Variants in ZNF318 observed in about 807,000 individuals in gnomAD.
The protein encoded by ZNF318 is zinc finger protein 318.
In ZNF318, 51 loss-of-function variants were observed where a neutral mutation model predicts 124.2. The observed-to-expected ratio is 0.41, with a 90% CI of 0.33 to 0.52. The LOEUF is 0.52. Among genes scored for constraint, ZNF318 ranks in the 20% least tolerant of loss-of-function variants. The pLI, the probability that ZNF318 is intolerant of heterozygous loss-of-function variation, is 0.23. For missense variants in ZNF318, 2,815 were observed against 2,811.2 expected, an observed-to-expected ratio of 1.00 and a Z score of -0.03; for synonymous variants, 1,090 against 1,040.7, an observed-to-expected ratio of 1.05 and a Z score of -0.91.
rs576376954 is a variant in ZNF318 at position 43,363,775 on chromosome 6, T to C, written c.548+1517A>G. 153 of 675,692 alleles carry C rather than the reference T, an allele frequency of 2.3e-4. No individual in the cohort carries two copies. In the East Asian group the frequency reaches 3.1e-3, roughly 14 times the overall value. The allele number at this position is 675,692 out of a possible 1,614,324, so 41.9% of individuals were successfully genotyped here. On this transcript the variant is annotated intron_variant, in intron 2 of 9. Transcript: ENST00000361428. Reference sequence around the variant, plus strand: ...GCAGAAGCAGACCCACACTGGCCAGTTGAAAAGGTTCAAGGCGTTTGTTGC... The same window carrying C: ...GCAGAAGCAGACCCACACTGGCCAGCTGAAAAGGTTCAAGGCGTTTGTTGC...
chr6:43,358,712 G>A (rs1293654105), intron 2 of ZNF318, among the ~76,000 whole-genome samples: 1 of 151,900 alleles, frequency 6.6e-6, no homozygotes, highest in East Asian at 1.9e-4. Flanking sequence ...GCACCACCAT[G>A]CTGGCTGACT....
At position 43,357,234 on chromosome 6, in the gene ZNF318, T is replaced by C; in HGVS notation, c.1080A>G (p.Ala360=). 6.2e-7 allele frequency: 1 copy of C among 1,614,206 alleles called. No individual in the cohort carries two copies. The highest frequency in any genetic ancestry group is 1.1e-5 in the South Asian group (1 of 91,078). Residue 360 remains alanine, a synonymous_variant, in exon 3 of 10, where the codon GCA becomes GCG. Transcript: ENST00000361428. Reference sequence around the variant, plus strand: ...GATGCAAAGAATATCCTGGCTCCGATGCTGTTAGGACACCTGACAATCCAG... The same window carrying C: ...GATGCAAAGAATATCCTGGCTCCGACGCTGTTAGGACACCTGACAATCCAG... ...SIPGLSGVLT[A]SEPGYSLHRP...
chr6:43,337,274 T>C lies in ZNF318; in HGVS notation c.6724A>G (p.Arg2242Gly). 1.2e-6 allele frequency: 2 copies of C among 1,614,194 alleles called. No homozygotes were observed. Among genetic ancestry groups the C allele is most frequent in the Non-Finnish European group, 1.7e-6 (2 of 1,180,016 alleles). The change falls in exon 10 of 10, where the codon AGG (arginine) becomes GGG (glycine). Residue 2242 changes from arginine (R) to glycine (G), a missense_variant. Around this residue, in one of 4 missense-constraint regions of ZNF318, gnomAD observed 927 missense variants for 820.6 expected, o/e 1.13. Transcript: ENST00000361428. ...ATTACCTGCTCCCTTGGAGGGGACC[T>C]TGACACTGGAGCTTTAACCAAATTC... ...PLNLVKAPVS[R>G]SPPREQVIED... is the part of the protein sequence containing the mutation.
At chr6:43,365,502 C>T in intron 1 of ZNF318, 62 bp from the exon 2 acceptor site, 2 of 1,544,278 alleles carry the variant, frequency 1.3e-6, no homozygotes, top group Non-Finnish European at 1.8e-6. Context: ...CATCCAAAAA[C>T]TCTCCTCCCT....
intron 2 of ZNF318, among the ~76,000 whole-genome samples, chr6:43,358,388 T>C (rs1018279208): frequency 1.3e-5 from 2 of 149,756 alleles, no homozygotes; most frequent in African/African-American, 2.4e-5. Flanking sequence ...ACTGGGCCTA[T>C]AGGCACCAGC....
At position 43,337,622 on chromosome 6, in the gene ZNF318, C is replaced by T. The variant is rs554022816; in HGVS notation, c.6376G>A (p.Ala2126Thr). 6.2e-7 allele frequency: 1 copy of T among 1,614,112 alleles called. No homozygotes were observed. The highest frequency in any genetic ancestry group is 1.7e-5 in the Admixed American group (1 of 60,014). The change falls in exon 10 of 10, where the codon GCC becomes ACC. Residue 2126 changes from alanine to threonine, a missense_variant. Ala to Thr is a moderately conservative substitution (Grantham distance 58, BLOSUM62 0). This residue lies in a region of ZNF318 where 927 missense variants were observed against 820.6 expected (regional missense o/e 1.13). Coordinates refer to ENST00000361428, the MANE Select transcript of ZNF318 (RefSeq NM_014345.3). ...GLGGLEGTHQ[A>T]LDLLAGGMMP... ...ATTCCTCCTGCTAACAGGTCAAGGG[C>T]CTGGTGTGTTCCCTCTAGGCCCCCC...
At position 43,369,488 on chromosome 6, in the gene ZNF318, G is replaced by C; in HGVS notation, c.-123C>G. 2 of 783,474 alleles carry C rather than the reference G, an allele frequency of 2.6e-6. No individual in the cohort carries two copies. The highest frequency in any genetic ancestry group is 3.2e-6 in the Non-Finnish European group (2 of 625,944). The allele number at this position is 783,474 out of a possible 1,614,324, so 48.5% of individuals were successfully genotyped here. On this transcript the variant is annotated 5_prime_UTR_variant, in exon 1 of 10. Transcript: ENST00000361428. The stretch of plus-strand genomic sequence containing the variant: ...GGCCGCTGCGCGCCGCCTCAGCCGC[G>C]GGAGCAGCCCCCTCCCCTCGGCCCC...
At chr6:43,340,759 G>A (rs780007331) in intron 9 of ZNF318, 31 bp downstream of exon 9, 3 of 1,580,450 alleles carry the variant, frequency 1.9e-6, no homozygotes, top group African/African-American at 2.7e-5. Flanking sequence ...CAGAAAAGTT[G>A]GAAACTCCAC....
chr6:43,365,415 T>C lies in ZNF318; in HGVS notation c.425A>G (p.Asp142Gly), dbSNP rs1779747015. ...GATCCTTAAGCTCTTTTCCAAAGAG[T>C]CAGAACACAGACCAGGAGAGCGTCT... ...SRRRSPGLCS[D>G]SLEKSLRITV... The change falls in exon 2 of 10, where the codon GAC (aspartate) becomes GGC (glycine). Residue 142 changes from aspartate to glycine, a missense_variant. By Grantham distance (94) the Asp-to-Gly change is moderately conservative (BLOSUM62 -1). Around this residue, in one of 4 missense-constraint regions of ZNF318, gnomAD observed 1,377 missense variants for 1,353.5 expected, o/e 1.02. Coordinates refer to ENST00000361428, the MANE Select transcript of ZNF318 (RefSeq NM_014345.3). The C allele has an allele frequency of 1.2e-6, 2 of 1,613,668 alleles. No individual in the cohort carries two copies. Among genetic ancestry groups the C allele is most frequent in the Non-Finnish European group, 1.7e-6 (2 of 1,179,938 alleles).
At chr6:43,354,143 T>C (rs888957189) in intron 4 of ZNF318, among the ~76,000 whole-genome samples, 2 of 152,072 alleles carry the variant, frequency 1.3e-5, no homozygotes, top group African/African-American at 2.4e-5. Flanking sequence ...ATAAATAACA[T>C]GTCAAAAATG....
In ZNF318 at chr6:43,340,905, G is replaced by C; in HGVS notation, c.3380C>G (p.Ser1127Cys). ...TCCACTGATGGGAACCAGAAACTCA[G>C]AGCCTGGAAGAAGTAGAAAAAAGTC... ...TDKITVPAKG[S>C]EFLVPISGFY... The change falls in exon 9 of 10, where the codon TCT (serine) becomes TGT (cysteine). Residue 1127 changes from serine (S) to cysteine (C), a missense_variant. Physicochemically the swap from Ser to Cys is moderately radical, Grantham distance 112. Around this residue, in one of 4 missense-constraint regions of ZNF318, gnomAD observed 500 missense variants for 605.2 expected, o/e 0.83. Coordinates refer to ENST00000361428, the MANE Select transcript of ZNF318 (RefSeq NM_014345.3). 1 of 1,611,422 alleles carries C rather than the reference G, an allele frequency of 6.2e-7. No homozygotes were observed. Among genetic ancestry groups the C allele is most frequent in the South Asian group, 1.1e-5 (1 of 91,046 alleles).
chr6:43,339,264 C>T lies in ZNF318; in HGVS notation c.4734G>A (p.Lys1578=). The change falls in exon 10 of 10, where the codon AAG becomes AAA. Residue 1578 remains lysine, a synonymous_variant. Coordinates refer to ENST00000361428, the MANE Select transcript of ZNF318 (RefSeq NM_014345.3). The surrounding 1 kb of genome is among the most constrained non-coding windows in gnomAD (Gnocchi z 4.2). The stretch of plus-strand genomic sequence containing the variant: ...GGGCCCCCTTAGTCTCAGGGGCCCC[C>T]TTTCCACCACTACTATAGAATATGT... ...LYDIFYSSGG[K]GAPETKGAPE... 1 of 1,613,840 alleles carries T rather than the reference C, an allele frequency of 6.2e-7. No homozygotes were observed. Among genetic ancestry groups the T allele is most frequent in the Non-Finnish European group, 8.5e-7 (1 of 1,179,896 alleles).
In ZNF318 at chr6:43,369,191, A is replaced by G. The variant is rs1226628947; in HGVS notation, c.175T>C (p.Ser59Pro). Residue 59 changes from serine to proline, a missense_variant, in exon 1 of 10, where the codon TCG (serine) becomes CCG (proline). Ser to Pro is a moderately conservative substitution (Grantham distance 74). This residue lies in a region of ZNF318 where 1,377 missense variants were observed against 1,353.5 expected (regional missense o/e 1.02). Coordinates refer to ENST00000361428, the MANE Select transcript of ZNF318 (RefSeq NM_014345.3). The stretch of plus-strand genomic sequence containing the variant: ...CGGCGGCCGCGGTGCCCTGAGGGCG[A>G]GCGGGGTCGGCGAGCCGGGGTCCGC... ...SSRTPARRPR[S>P]PSGHRGRRAS... 4.1e-6 allele frequency: 5 copies of G among 1,211,066 alleles called. No homozygotes were observed. Among genetic ancestry groups the G allele is most frequent in the Non-Finnish European group, 5.1e-6 (5 of 976,668 alleles). The allele number at this position is 1,211,066 out of a possible 1,614,324, so 75.0% of individuals were successfully genotyped here. A position where few individuals can be genotyped will look rare whatever the true frequency, so the allele number is the denominator to read the frequency against.
At position 43,338,207 on chromosome 6, in the gene ZNF318, TAGA is replaced by T. The variant is rs1474281415; in HGVS notation, c.5788_5790del (p.Ser1930del). On this transcript the variant is annotated inframe_deletion, in exon 10 of 10. Coordinates refer to ENST00000361428, the MANE Select transcript of ZNF318 (RefSeq NM_014345.3). Reference sequence around the variant, plus strand: ...TTGAGACTTCTGTACCTAGAAGTTCTAGAAGCTGATTCTGGAGCTGAATTCTCT... The same window carrying T: ...TTGAGACTTCTGTACCTAGAAGTTCTAGCTGATTCTGGAGCTGAATTCTCT... 1.2e-6 allele frequency: 2 copies of T among 1,614,058 alleles called. No homozygotes were observed. Among genetic ancestry groups the T allele is most frequent in the African/African-American group, 2.7e-5 (2 of 74,946 alleles).
chr6:43,356,033 T>C lies in ZNF318; in HGVS notation c.1301A>G (p.Asn434Ser), dbSNP rs1329384916. ...AIAAFASEIE[N>S]KGTMVETALK... The stretch of plus-strand genomic sequence containing the variant: ...GGCAGTCTCTACCATAGTCCCCTTG[T>C]TTTCAATCTCTGAGGCAAAAGCAGC... Residue 434 changes from asparagine (N) to serine (S), a missense_variant, in exon 4 of 10, where the codon AAC (asparagine) becomes AGC (serine). Around this residue, in one of 4 missense-constraint regions of ZNF318, gnomAD observed 1,377 missense variants for 1,353.5 expected, o/e 1.02. Transcript: ENST00000361428. The C allele has an allele frequency of 8.1e-6, 13 of 1,614,042 alleles. No individual in the cohort carries two copies. The Admixed American group carries it at 2.2e-4, about 27-fold the overall frequency.
chr6:43,363,170 A>C (rs994217271), intron 2 of ZNF318, among the ~76,000 whole-genome samples: 2 of 152,190 alleles, frequency 1.3e-5, no homozygotes, highest in African/African-American at 4.8e-5. Flanking sequence ...TGCATAACAA[A>C]GTTTATGCAA....
Position 43,365,332 on chromosome 6 carries a change from G to A in ZNF318, c.508C>T (p.Arg170Trp), listed in dbSNP as rs372987629. The change falls in exon 2 of 10, where the codon CGG becomes TGG. Residue 170 changes from arginine (R) to tryptophan (W), a missense_variant. This residue lies in a region of ZNF318 where 1,377 missense variants were observed against 1,353.5 expected (regional missense o/e 1.02). Coordinates refer to ENST00000361428, the MANE Select transcript of ZNF318 (RefSeq NM_014345.3). ...AGATTATCCACTGGTGACCCCAGCC[G>A]ATCACTAAGCCGTCGCCGTTCTGGT... ...STPERRRLSD[R>W]LGSPVDNLED... is the part of the protein sequence containing the mutation. 2.6e-5 allele frequency: 42 copies of A among 1,613,998 alleles called. No individual in the cohort carries two copies. Among genetic ancestry groups the A allele is most frequent in the African/African-American group, 2.4e-4 (18 of 74,910 alleles).
At position 43,357,000 on chromosome 6, in the gene ZNF318, A is replaced by G. The variant is rs1779616676; in HGVS notation, c.1188+126T>C. 8.8e-6 allele frequency: 10 copies of G among 1,139,178 alleles called. No individual in the cohort carries two copies. The South Asian group carries it at 9.5e-5, about 11-fold the overall frequency. 70.6% of individuals were successfully genotyped at this position (1,139,178 alleles called of 1,614,324 possible). On this transcript the variant is annotated intron_variant, in intron 3 of 9. Transcript: ENST00000361428. ...TCGTTTGGAGAGTCCTAGAAGGTGT[A>G]GCTCACAATGTCGGTCCAGCACATA...
Position 43,365,180 on chromosome 6 carries a change from T to C in ZNF318, c.548+112A>G, listed in dbSNP as rs1426524141. 9.9e-6 allele frequency: 12 copies of C among 1,209,270 alleles called. No individual in the cohort carries two copies. The East Asian group carries it at 1.4e-4, about 14-fold the overall frequency. 74.9% of individuals were successfully genotyped at this position (1,209,270 alleles called of 1,614,324 possible). ...TTTATTTTGTACTGGACATGTGGCATAGGAAATAACTTTAGAGCTGGCACC... is the reference window on the plus strand; with the variant it reads ...TTTATTTTGTACTGGACATGTGGCACAGGAAATAACTTTAGAGCTGGCACC... On this transcript the variant is annotated intron_variant, in intron 2 of 9. Coordinates refer to ENST00000361428, the MANE Select transcript of ZNF318 (RefSeq NM_014345.3).
Sources: allele counts gnomAD v4.1 joint callset (sites outside exome capture counted in the v4.1 genomes callset), GRCh38; gene constraint gnomAD v4.1.1; regional missense constraint gnomAD v4.1.1; non-coding constraint Gnocchi (gnomAD v3.1); transcripts MANE v1.5; gene names NCBI Gene and HGNC (gene_info 2026-07-23, HGNC 2026-07-21).